The following NUP210 variants were observed in gnomAD, a reference collection of about 807,000 sequenced individuals.
The protein encoded by NUP210 is nuclear pore membrane glycoprotein 210.
NUP210 carries 151 observed loss-of-function variants against 196.0 expected under a neutral mutation model. The ratio of observed to expected loss-of-function variants is 0.77; its 90% CI spans 0.67 to 0.88. The LOEUF (loss-of-function observed/expected upper bound fraction) is 0.88. Ranked by LOEUF, NUP210 falls within the 40% of genes least tolerant of loss-of-function variation. NUP210 has a pLI of 0.00. For missense variants in NUP210, 2,314 were observed against 2,493.7 expected, an observed-to-expected ratio of 0.93 and a Z score of 1.53; for synonymous variants, 1,070 against 1,052.7, an observed-to-expected ratio of 1.02 and a Z score of -0.32.
Position 13,360,252 on chromosome 3 carries a change from G to A in NUP210, c.2154+18C>T, listed in dbSNP as rs377358784. ...CCTGCCTTAGGGCAAGGAGGGTCTG[G>A]AGCAGCTGCCCACTCACCTGCTCAC... On this transcript the variant is annotated intron_variant, in intron 15 of 39. Transcript: ENST00000254508. The A allele has an allele frequency of 1.9e-6, 3 of 1,605,150 alleles. No individual in the cohort carries two copies. Among genetic ancestry groups the A allele is most frequent in the Non-Finnish European group, 2.6e-6 (3 of 1,171,922 alleles).
chr3:13,385,061 C>T (rs902620153), intron 6 of NUP210, among the ~76,000 whole-genome samples: 1 of 152,186 alleles, frequency 6.6e-6, no homozygotes, highest in African/African-American at 2.4e-5. Context: ...CTAGGACCCC[C>T]TTGCCAGAAA....
At chr3:13,405,060 A>C (rs1699961633) in intron 1 of NUP210, among the ~76,000 whole-genome samples, 1 of 152,102 alleles carries the variant, frequency 6.6e-6, no homozygotes, top group Non-Finnish European at 1.5e-5. Flanking sequence ...GTGCTGGTGG[A>C]GTGTGAGGAT....
intron 32 of NUP210, 32 bp downstream of exon 32, chr3:13,327,185 C>G (rs151148719): frequency 1.3e-6 from 2 of 1,583,028 alleles, no homozygotes; most frequent in Non-Finnish European, 1.7e-6. Flanking sequence ...GTCCGTGACT[C>G]CACAGGTTCC....
Position 13,366,136 on chromosome 3 carries a change from T to C in NUP210, c.1787-45A>G, listed in dbSNP as rs557748038. The stretch of plus-strand genomic sequence containing the variant: ...AGATGGTCACCCTGAAATCACTTTT[T>C]TCTTTTTTTTGAGATGGAGTCTCGC... On this transcript the variant is annotated intron_variant, in intron 13 of 39. Transcript: ENST00000254508. The C allele has an allele frequency of 8.8e-6, 14 of 1,589,958 alleles. No homozygotes were observed. The African/African-American group carries it at 1.6e-4, about 18-fold the overall frequency.
intron 9 of NUP210, among the ~76,000 whole-genome samples, chr3:13,377,110 AT>A (rs1698937624): frequency 6.6e-6 from 1 of 152,182 alleles, no homozygotes; most frequent in Admixed American, 6.5e-5. Flanking sequence ...CAGGAGGAGA[AT>A]GGATTCTCTG....
chr3:13,328,839 G>A lies in NUP210; in HGVS notation c.4218C>T (p.Val1406=). ...VPLGMTVTFT[V]HFHDNSGDVF... is the part of the protein sequence containing the mutation. ...CATCTCCAGAGTTGTCGTGGAAGTGGACAGTGAAGGTCACGGTCATTCCCA... is the reference window on the plus strand; with the variant it reads ...CATCTCCAGAGTTGTCGTGGAAGTGAACAGTGAAGGTCACGGTCATTCCCA... The change falls in exon 31 of 40, where the codon GTC becomes GTT. Residue 1406 remains valine (V), a synonymous_variant. Coordinates refer to ENST00000254508, the MANE Select transcript of NUP210 (RefSeq NM_024923.4). The A allele has an allele frequency of 1.2e-6, 2 of 1,614,192 alleles. No individual in the cohort carries two copies. Among genetic ancestry groups the A allele is most frequent in the Non-Finnish European group, 1.7e-6 (2 of 1,180,018 alleles).
chr3:13,360,374 C>A lies in NUP210; in HGVS notation c.2050G>T (p.Ala684Ser). 1.2e-6 allele frequency: 2 copies of A among 1,614,102 alleles called. No homozygotes were observed. Among genetic ancestry groups the A allele is most frequent in the Non-Finnish European group, 1.7e-6 (2 of 1,179,996 alleles). The stretch of plus-strand genomic sequence containing the variant: ...AGGCCGATGCTGTCAGTGTCCTCAG[C>A]GGTGACGTTCTGGAAGAATTTGGAC... Reference protein sequence around the residue: ...EPSKFFQNVTAEDTDSIGLAL... With the variant: ...EPSKFFQNVTSEDTDSIGLAL... Residue 684 changes from alanine (A) to serine (S), a missense_variant, in exon 15 of 40, where the codon GCT becomes TCT. Physicochemically the swap from Ala to Ser is moderately conservative, Grantham distance 99. Coordinates refer to ENST00000254508, the MANE Select transcript of NUP210 (RefSeq NM_024923.4).
intron 17 of NUP210, 94 bp downstream of exon 17, chr3:13,353,821 T>C (rs1241623222): frequency 2.3e-6 from 3 of 1,305,022 alleles, no homozygotes; most frequent in Non-Finnish European, 3.2e-6. Flanking sequence ...TAAGCACAGA[T>C]AACTAAGCTC....
At position 13,350,462 on chromosome 3, in the gene NUP210, CAAAACAAAACAAAACAA is replaced by C. The variant is rs1468821328; in HGVS notation, c.2835+1400_2835+1416del. Among the ~76,000 whole-genome samples, 233 of 81,470 alleles carry C rather than the reference CAAAACAAAACAAAACAA, an allele frequency of 2.9e-3. 1 individual carries two copies. Among genetic ancestry groups the C allele is most frequent in the Admixed American group, 7.9e-3 (69 of 8,712 alleles). 53.4% of individuals were successfully genotyped at this position (81,470 alleles called of 152,430 possible). On this transcript the variant is annotated intron_variant, in intron 20 of 39. Coordinates refer to ENST00000254508, the MANE Select transcript of NUP210 (RefSeq NM_024923.4). The surrounding 1 kb of genome is among the most constrained non-coding windows in gnomAD (Gnocchi z 4.1). The stretch of plus-strand genomic sequence containing the variant: ...AAAAACAAAACAAAACAAAACAAAA[CAAAACAAAACAAAACAA>C]AAAACAAAACAAAACAGGAAAACAT...
At chr3:13,331,773 C>T (rs372339346) in intron 29 of NUP210, among the ~76,000 whole-genome samples, 43 of 152,206 alleles carry the variant, frequency 2.8e-4, no homozygotes, top group African/African-American at 2.4e-4. Context: ...GCCACTGTTA[C>T]GAAAGGCATC....
intron 28 of NUP210, among the ~76,000 whole-genome samples, chr3:13,334,524 T>C (rs1697130661): frequency 6.6e-6 from 1 of 152,184 alleles, no homozygotes; most frequent in African/African-American, 2.4e-5. Flanking sequence ...TTGCCCCTGA[T>C]CAGGGAGGTG....
Position 13,340,871 on chromosome 3 carries a change from T to C in NUP210, c.3229-573A>G, listed in dbSNP as rs1273084536. The stretch of plus-strand genomic sequence containing the variant: ...CCCCACCTGCTCCTCCTGAAACCCC[T>C]ACAAGAGCCTGCCTGGCAAGAGTAG... On this transcript the variant is annotated intron_variant, in intron 23 of 39. Transcript: ENST00000254508. The surrounding 1 kb of genome is among the most constrained non-coding windows in gnomAD (Gnocchi z 4.0). 6.6e-6 allele frequency among the ~76,000 whole-genome samples: 1 copy of C among 152,086 alleles called. No individual in the cohort carries two copies. Among genetic ancestry groups the C allele is most frequent in the Non-Finnish European group, 1.5e-5 (1 of 68,000 alleles).
chr3:13,373,646 G>T (rs6810356), intron 12 of NUP210, 72 bp downstream of exon 12: 816,547 of 1,524,558 alleles, frequency 0.54, 223,624 homozygotes, highest in African/African-American at 0.78. Flanking sequence ...TGAAGTCGAG[G>T]CTTGCTCAGA....
intron 36 of NUP210, 103 bp from the exon 37 acceptor site, chr3:13,320,082 T>C: frequency 9.7e-7 from 1 of 1,027,990 alleles, no homozygotes; most frequent in Non-Finnish European, 1.4e-6. Flanking sequence ...TGCATGGCCA[T>C]CTCTGGAAGC....
intron 3 of NUP210, among the ~76,000 whole-genome samples, chr3:13,396,412 G>A (rs1699656151): frequency 6.6e-6 from 1 of 152,022 alleles, no homozygotes; most frequent in Non-Finnish European, 1.5e-5. Flanking sequence ...GGCATCTTTT[G>A]CCTGACTTTT....
chr3:13,341,986 G>T lies in NUP210; in HGVS notation c.3092+10C>A, dbSNP rs1697522902. Reference sequence around the variant, plus strand: ...TGAGGTGCCCTCCTCTGACCCCTAGGAGAACTCACACCAATGTAATGATCG... The same window carrying T: ...TGAGGTGCCCTCCTCTGACCCCTAGTAGAACTCACACCAATGTAATGATCG... On this transcript the variant is annotated intron_variant, in intron 22 of 39. Coordinates refer to ENST00000254508, the MANE Select transcript of NUP210 (RefSeq NM_024923.4). The T allele has an allele frequency of 6.2e-7, 1 of 1,613,910 alleles. No homozygotes were observed. The highest frequency in any genetic ancestry group is 1.3e-5 in the African/African-American group (1 of 74,926).
At chr3:13,341,685 AAAGAC>A (rs1488862465) in intron 23 of NUP210, 58 bp downstream of exon 23, 2 of 1,581,706 alleles carry the variant, frequency 1.3e-6, no homozygotes, top group Non-Finnish European at 1.7e-6. Flanking sequence ...ACTGTACTAT[AAAGAC>A]ACTCCCAACC....
Position 13,353,651 on chromosome 3 carries a change from G to C in NUP210, c.2531C>G (p.Ala844Gly). The change falls in exon 18 of 40, where the codon GCC becomes GGC. Residue 844 changes from alanine (A) to glycine (G), a missense_variant. Transcript: ENST00000254508. The part of the protein sequence containing the change: ...SGQKKLHGLQ[A>G]ILVHEASGTT... ...TCCTGATGCCTCGTGAACCAAAATG[G>C]CCTGCAAACCTGAGACCAGGAAGAA... 1 of 1,614,010 alleles carries C rather than the reference G, an allele frequency of 6.2e-7. No individual in the cohort carries two copies. The highest frequency in any genetic ancestry group is 8.5e-7 in the Non-Finnish European group (1 of 1,179,918).
intron 39 of NUP210, among the ~76,000 whole-genome samples, chr3:13,318,547 C>G (rs1696368266): frequency 6.6e-6 from 1 of 152,154 alleles, no homozygotes. Context: ...CCTTCACGTA[C>G]AGCAGTACAG....
Sources: gnomAD v4.1 joint callset for allele counts (sites outside exome capture counted in the v4.1 genomes callset) on GRCh38, gnomAD v4.1.1 for gene constraint, Gnocchi (gnomAD v3.1) non-coding constraint, MANE v1.5 for transcripts, NCBI Gene and HGNC (gene_info 2026-07-23, HGNC 2026-07-21) for gene names.